SYT6: variants seen among roughly 807,000 people sequenced by gnomAD.
SYT6 encodes synaptotagmin-6.
In SYT6, 24 loss-of-function variants were observed where a neutral mutation model predicts 38.4. The ratio of observed to expected loss-of-function variants is 0.62; its 90% CI spans 0.45 to 0.88. The LOEUF is 0.88. Among genes scored for constraint, SYT6 ranks in the 40% least tolerant of loss-of-function variants. The pLI, the probability that SYT6 is intolerant of heterozygous loss-of-function variation, is 0.00. For missense variants in SYT6, 611 were observed against 621.0 expected, an observed-to-expected ratio of 0.98 and a Z score of 0.17; for synonymous variants, 265 against 241.9, an observed-to-expected ratio of 1.10 and a Z score of -0.89.
chr1:114,102,223 A>G (rs534221401), intron 4 of SYT6, among the ~76,000 whole-genome samples: 20 of 152,344 alleles, frequency 1.3e-4, no homozygotes, highest in African/African-American at 4.1e-4. Flanking sequence ...TTATTTTGGT[A>G]TTAAAATGAA....
At chr1:114,134,053 C>T (rs1678334516) in intron 3 of SYT6, among the ~76,000 whole-genome samples, 1 of 152,228 alleles carries the variant, frequency 6.6e-6, no homozygotes, top group Non-Finnish European at 1.5e-5. Flanking sequence ...ACTCAAGGAG[C>T]AACACAGGCA....
At chr1:114,102,074 G>A (rs1032796680) in intron 4 of SYT6, among the ~76,000 whole-genome samples, 1 of 152,178 alleles carries the variant, frequency 6.6e-6, no homozygotes, top group Non-Finnish European at 1.5e-5. Context: ...GATGACCTCA[G>A]CAGCTTCACC....
intron 3 of SYT6, among the ~76,000 whole-genome samples, chr1:114,137,185 A>C (rs143986693): frequency 6.6e-6 from 1 of 152,352 alleles, no homozygotes; most frequent in East Asian, 1.9e-4. Flanking sequence ...GGCCTGTTTC[A>C]ATTGCCTATG....
chr1:114,132,455 C>T (rs778361119), intron 3 of SYT6, among the ~76,000 whole-genome samples: 1 of 152,120 alleles, frequency 6.6e-6, no homozygotes, highest in Non-Finnish European at 1.5e-5. Context: ...ACCACACTCC[C>T]GGAGAATGGG....
At chr1:114,116,399 C>A (rs2101025600) in intron 3 of SYT6, among the ~76,000 whole-genome samples, 1 of 152,286 alleles carries the variant, frequency 6.6e-6, no homozygotes, top group African/African-American at 2.4e-5. Context: ...TACCTGAGGT[C>A]TCTGGGGAGC....
intron 3 of SYT6, among the ~76,000 whole-genome samples, chr1:114,111,153 C>T (rs1676650608): frequency 6.6e-6 from 1 of 152,220 alleles, no homozygotes; most frequent in Non-Finnish European, 1.5e-5. Context: ...TGGCCCTCGC[C>T]TTTCTAGCCA....
At chr1:114,098,458 T>C (rs1333605121) in intron 5 of SYT6, among the ~76,000 whole-genome samples, 6 of 152,152 alleles carry the variant, frequency 3.9e-5, no homozygotes, top group Admixed American at 1.3e-4. Flanking sequence ...AAAAATGTTT[T>C]TGAGCCAGCC....
chr1:114,095,724 G>C (rs1019960003), intron 6 of SYT6, among the ~76,000 whole-genome samples: 2 of 151,422 alleles, frequency 1.3e-5, no homozygotes. Flanking sequence ...GCAGTGGTGC[G>C]ATCTCAGCTC....
At chr1:114,120,821 C>A (rs114884148) in intron 3 of SYT6, among the ~76,000 whole-genome samples, 1 of 152,224 alleles carries the variant, frequency 6.6e-6, no homozygotes, top group South Asian at 2.1e-4. Flanking sequence ...CCCTGGGGCA[C>A]CTGCACTCAG....
intron 1 of SYT6, among the ~76,000 whole-genome samples, chr1:114,150,433 C>A (rs1679387880): frequency 6.6e-6 from 1 of 152,152 alleles, no homozygotes; most frequent in South Asian, 2.1e-4. Context: ...TCAAAAAGGG[C>A]AAAATCTGCA....
chr1:114,103,491 C>T (rs1006834602), intron 4 of SYT6, 110 bp downstream of exon 4: 1 of 1,452,058 alleles, frequency 6.9e-7, no homozygotes, highest in Admixed American at 1.9e-5. Flanking sequence ...GTGTCCAGAG[C>T]TGGTGCTTCT....
chr1:114,135,493 G>A (rs558856656), intron 3 of SYT6, among the ~76,000 whole-genome samples: 98 of 146,636 alleles, frequency 6.7e-4, no homozygotes, highest in Non-Finnish European at 7.6e-4. Flanking sequence ...GATGGAGGAG[G>A]GCTATAATGA....
At chr1:114,125,189 A>G (rs1024321370) in intron 3 of SYT6, among the ~76,000 whole-genome samples, 2 of 152,218 alleles carry the variant, frequency 1.3e-5, no homozygotes, top group African/African-American at 4.8e-5. Flanking sequence ...GTGAACTCCA[A>G]GTTGTGTCAA....
At position 114,153,436 on chromosome 1, in the gene SYT6, T is replaced by C. The variant is rs143420168; in HGVS notation, c.163+174A>G. Among the ~76,000 whole-genome samples, 711 of 152,312 alleles carry C rather than the reference T, an allele frequency of 4.7e-3. 9 individuals carry two copies. Among genetic ancestry groups the C allele is most frequent in the African/African-American group, 0.015 (628 of 41,584 alleles). ...CCCAACCTCCGCTCCCCTTCGGGTC[T>C]CTCCTGGCTGTGCAAGCGATGGGCC... On this transcript the variant is annotated intron_variant, in intron 1 of 7. Coordinates refer to ENST00000610222, the MANE Select transcript of SYT6 (RefSeq NM_001253772.2).
intron 1 of SYT6, among the ~76,000 whole-genome samples, chr1:114,143,842 C>T (rs1387274220): frequency 7.5e-6 from 1 of 133,558 alleles, no homozygotes; most frequent in South Asian, 2.7e-4. Flanking sequence ...CCCAGGGATG[C>T]CCATTATCCC....
At chr1:114,105,308 T>TCC (rs35412337) in intron 3 of SYT6, among the ~76,000 whole-genome samples, 10 of 143,924 alleles carry the variant, frequency 6.9e-5, no homozygotes, top group East Asian at 6.7e-4. Flanking sequence ...ACAGCCCTGT[T>TCC]CCCCCCCTGG....
Position 114,091,772 on chromosome 1 carries a change from C to A in SYT6, c.*362G>T, listed in dbSNP as rs2101613053. 2.7e-6 allele frequency: 1 copy of A among 372,348 alleles called. No individual in the cohort carries two copies. Among genetic ancestry groups the A allele is most frequent in the Non-Finnish European group, 4.8e-6 (1 of 210,428 alleles). The allele number at this position is 372,348 out of a possible 1,614,324, so 23.1% of individuals were successfully genotyped here. On this transcript the variant is annotated 3_prime_UTR_variant, in exon 8 of 8. Transcript: ENST00000610222. ...TTTTTTTTTTCCCTTTTCTTACCAGCAGACCCATAAAAAGTGAAAAACCAC... is the reference window on the plus strand; with the variant it reads ...TTTTTTTTTTCCCTTTTCTTACCAGAAGACCCATAAAAAGTGAAAAACCAC...
chr1:114,099,599 C>T (rs1400540781), intron 4 of SYT6, among the ~76,000 whole-genome samples: 2 of 152,220 alleles, frequency 1.3e-5, no homozygotes, highest in African/African-American at 4.8e-5. Context: ...TCGTCAATCC[C>T]TGGCTGACTC....
At chr1:114,150,498 A>G (rs1679390441) in intron 1 of SYT6, among the ~76,000 whole-genome samples, 1 of 152,202 alleles carries the variant, frequency 6.6e-6, no homozygotes. Context: ...CATGGCCACA[A>G]GTAAACTGGA....
Sources: gnomAD v4.1 joint callset for allele counts (sites outside exome capture counted in the v4.1 genomes callset) on GRCh38, gnomAD v4.1.1 for gene constraint, MANE v1.5 for transcripts, NCBI Gene and HGNC (gene_info 2026-07-23, HGNC 2026-07-21) for gene names.